HDAC9: variants seen among roughly 807,000 people sequenced by gnomAD.
The protein encoded by HDAC9 is MEF-2 interacting transcription repressor (MITR) protein.
In HDAC9, 41 loss-of-function variants were observed where a neutral mutation model predicts 139.4. The observed-to-expected ratio is 0.29, with a 90% CI of 0.23 to 0.38. The LOEUF (loss-of-function observed/expected upper bound fraction) is 0.38. HDAC9 is among the 10% of genes least tolerant of loss of function. The pLI is 1.00. For missense variants in HDAC9, 1,147 were observed against 1,297.0 expected (o/e 0.88, Z 1.78); for synonymous variants, 517 against 476.2 (o/e 1.09, Z -1.12).
At chr7:18,171,997 G>C (rs959653833) in intron 2 of HDAC9, among the ~76,000 whole-genome samples, 1 of 152,168 alleles carries the variant, frequency 6.6e-6, no homozygotes, top group Non-Finnish European at 1.5e-5. Flanking sequence ...TTCTATTGAT[G>C]GGAATAGTTT....
At chr7:18,920,406 G>A (rs906102153) in intron 22 of HDAC9, among the ~76,000 whole-genome samples, 17 of 152,088 alleles carry the variant, frequency 1.1e-4, no homozygotes, top group African/African-American at 4.1e-4. Context: ...GAGACAATGG[G>A]GTTTTCTAGA....
intron 2 of HDAC9, among the ~76,000 whole-genome samples, chr7:18,547,950 T>C (rs1489854498): frequency 1.3e-5 from 2 of 148,650 alleles, no homozygotes; most frequent in African/African-American, 4.9e-5. Flanking sequence ...TTCACAATTT[T>C]GTGGTTTGGT....
chr7:18,555,666 T>C (rs949175574), intron 2 of HDAC9, among the ~76,000 whole-genome samples: 1 of 152,098 alleles, frequency 6.6e-6, no homozygotes, highest in African/African-American at 2.4e-5. Context: ...GTATTAGGAA[T>C]TGGTGTTGAT....
intron 2 of HDAC9, among the ~76,000 whole-genome samples, chr7:18,260,959 G>A (rs987401191): frequency 2.2e-4 from 33 of 152,214 alleles, no homozygotes; most frequent in Non-Finnish European, 3.8e-4. Flanking sequence ...CCATAGAATA[G>A]GTGCCTAATG....
At chr7:18,934,375 CA>C (rs1781475367) in intron 22 of HDAC9, among the ~76,000 whole-genome samples, 1 of 151,806 alleles carries the variant, frequency 6.6e-6, no homozygotes, top group Non-Finnish European at 1.5e-5. Context: ...TGAACATACT[CA>C]AAAAAATCTT....
intron 1 of HDAC9, among the ~76,000 whole-genome samples, chr7:18,423,999 A>C (rs1236403287): frequency 6.6e-6 from 1 of 152,168 alleles, no homozygotes; most frequent in African/African-American, 2.4e-5. Context: ...AGAAGGAGAA[A>C]CCTTCTTAAT....
At chr7:18,111,081 T>C (rs1309426337) in intron 1 of HDAC9, among the ~76,000 whole-genome samples, 2 of 152,198 alleles carry the variant, frequency 1.3e-5, no homozygotes, top group Non-Finnish European at 2.9e-5. Context: ...CCAAACAATG[T>C]GTTTGACTCT....
At chr7:18,788,377 C>T (rs1792000958) in intron 16 of HDAC9, among the ~76,000 whole-genome samples, 1 of 152,160 alleles carries the variant, frequency 6.6e-6, no homozygotes, top group Non-Finnish European at 1.5e-5. Context: ...AATGCTGTAG[C>T]TTAATCTTCC....
At position 18,727,712 on chromosome 7, in the gene HDAC9, C is replaced by T; in HGVS notation, c.1864C>T (p.Pro622Ser). ...CTCTTCCCCTGCTGCCTCTGTTTTACCTCACCCAGCAATGGACCGCCCCCT... is the reference window on the plus strand; with the variant it reads ...CTCTTCCCCTGCTGCCTCTGTTTTATCTCACCCAGCAATGGACCGCCCCCT... Reference protein sequence around the residue: ...THSSPAASVLPHPAMDRPLQP... With the variant: ...THSSPAASVLSHPAMDRPLQP... The change falls in exon 13 of 26, where the codon CCT (proline) becomes TCT (serine). Residue 622 changes from proline (P) to serine (S), a missense_variant. Physicochemically the swap from Pro to Ser is moderately conservative, Grantham distance 74 (BLOSUM62 -1). Coordinates refer to ENST00000686413, the MANE Select transcript of HDAC9 (RefSeq NM_178425.4). 1.9e-6 allele frequency: 3 copies of T among 1,577,016 alleles called. No individual in the cohort carries two copies. The highest frequency in any genetic ancestry group is 2.6e-6 in the Non-Finnish European group (3 of 1,166,942).
chr7:18,439,409 C>T (rs957304532), intron 1 of HDAC9, among the ~76,000 whole-genome samples: 33 of 152,066 alleles, frequency 2.2e-4, no homozygotes, highest in African/African-American at 7.0e-4. Flanking sequence ...CAAATGAAAC[C>T]CTGTCTGGCT....
intron 2 of HDAC9, among the ~76,000 whole-genome samples, chr7:18,536,221 C>T (rs1421634302): frequency 6.6e-6 from 1 of 152,176 alleles, no homozygotes; most frequent in Non-Finnish European, 1.5e-5. Flanking sequence ...GTGTTGTGCA[C>T]TGGTGACCAG....
intron 2 of HDAC9, among the ~76,000 whole-genome samples, chr7:18,258,460 G>A (rs1479585037): frequency 6.6e-6 from 1 of 152,194 alleles, no homozygotes. Flanking sequence ...TACCCAGTGT[G>A]TAGTCTTTTG....
intron 2 of HDAC9, among the ~76,000 whole-genome samples, chr7:18,246,738 C>G (rs1011504626): frequency 6.6e-6 from 1 of 152,032 alleles, no homozygotes; most frequent in Non-Finnish European, 1.5e-5. Context: ...GGAGAACATT[C>G]CAGAGTTTTA....
chr7:18,242,094 G>A (rs1183965510), intron 2 of HDAC9, among the ~76,000 whole-genome samples: 2 of 152,046 alleles, frequency 1.3e-5, no homozygotes, highest in Admixed American at 1.3e-4. Flanking sequence ...CCAGTCCATG[G>A]TAAAGGAATC....
At chr7:18,980,676 CTTG>C (rs1457416832) in intron 25 of HDAC9, among the ~76,000 whole-genome samples, 2,822 of 139,460 alleles carry the variant, frequency 0.02, 82 homozygotes, top group African/African-American at 0.058. Context: ...TCTTCTTGTT[CTTG>C]TTCTTCTTGT....
chr7:18,309,085 T>C (rs908811901), intron 1 of HDAC9, among the ~76,000 whole-genome samples: 4 of 152,140 alleles, frequency 2.6e-5, no homozygotes, highest in Non-Finnish European at 5.9e-5. Flanking sequence ...TTTCAATGCA[T>C]AATTGTGAGT....
chr7:18,283,372 C>A (rs1193697327), intron 2 of HDAC9, among the ~76,000 whole-genome samples: 1 of 152,144 alleles, frequency 6.6e-6, no homozygotes, highest in East Asian at 1.9e-4. Flanking sequence ...TCACCAGGCC[C>A]CTCCACCAAT....
chr7:18,836,284 G>T (rs1796231616), intron 21 of HDAC9, among the ~76,000 whole-genome samples: 1 of 152,014 alleles, frequency 6.6e-6, no homozygotes, highest in Non-Finnish European at 1.5e-5. Context: ...CATATGATGT[G>T]GTTTTTACAG....
intron 17 of HDAC9, among the ~76,000 whole-genome samples, chr7:18,817,252 T>C (rs1043460672): frequency 2.0e-5 from 3 of 152,090 alleles, no homozygotes; most frequent in African/African-American, 7.2e-5. Flanking sequence ...GCCAGGATGG[T>C]CTCTGTCTCC....
Sources: allele counts gnomAD v4.1 joint callset (sites outside exome capture counted in the v4.1 genomes callset), GRCh38; gene constraint gnomAD v4.1.1; transcripts MANE v1.5; gene names NCBI Gene and HGNC (gene_info 2026-07-23, HGNC 2026-07-21).